The following LRMDA variants were observed in gnomAD, a reference collection of about 807,000 sequenced individuals.
LRMDA encodes the protein leucine-rich melanocyte differentiation-associated protein.
LRMDA carries 18 observed loss-of-function variants against 29.8 expected under a neutral mutation model. That is an observed-to-expected ratio of 0.60 (90% CI 0.42 to 0.90). The LOEUF (loss-of-function observed/expected upper bound fraction) is 0.90, where lower values mean the gene tolerates loss of function less well. Among genes scored for constraint, LRMDA ranks in the 40% least tolerant of loss-of-function variants. The probability of loss-of-function intolerance (pLI) is 0.00; values close to 1 mark genes in which losing one functional copy is unlikely to be tolerated. For missense variants in LRMDA, 273 were observed against 273.9 expected (o/e 1.00, Z 0.02); for synonymous variants, 125 against 109.4 (o/e 1.14, Z -0.89).
chr10:75,743,696 A>AGGAAAAGGAAATG (rs1842857704), intron 2 of LRMDA: 1 of 152,166 alleles, frequency 6.6e-6, no homozygotes, highest in African/African-American at 2.4e-5. Context: ...GATGAGGCAA[A>AGGAAAAGGAAATG]CGTTTAGAGA....
At chr10:76,218,224 C>A (rs889846503) in intron 5 of LRMDA, among the ~76,000 whole-genome samples, 5 of 152,310 alleles carry the variant, frequency 3.3e-5, no homozygotes, top group Admixed American at 2.6e-4. Context: ...TCCTTTTACA[C>A]AGTGCTTGTA....
chr10:75,462,665 G>GAA (rs1844601348), intron 2 of LRMDA, among the ~76,000 whole-genome samples: 1 of 152,192 alleles, frequency 6.6e-6, no homozygotes, highest in South Asian at 2.1e-4. Context: ...TGAGTAACAG[G>GAA]ATGAGGTTAT....
At chr10:75,690,166 G>T (rs61217150) in intron 2 of LRMDA, among the ~76,000 whole-genome samples, 2,173 of 152,288 alleles carry the variant, frequency 0.014, 65 homozygotes, top group African/African-American at 0.05. Context: ...TTGGGAAACA[G>T]TGGCATGATC....
intron 6 of LRMDA, among the ~76,000 whole-genome samples, chr10:76,463,434 G>T (rs1842532596): frequency 6.6e-6 from 1 of 152,206 alleles, no homozygotes; most frequent in African/African-American, 2.4e-5. Context: ...ATCTTGTGGG[G>T]CACTGGCTGC....
intron 2 of LRMDA, among the ~76,000 whole-genome samples, chr10:75,902,370 C>G (rs540695739): frequency 1.3e-5 from 2 of 152,222 alleles, no homozygotes; most frequent in East Asian, 3.9e-4. Flanking sequence ...TTCCCTGGAC[C>G]TCTTTATCCC....
At chr10:76,412,604 A>G (rs995673438) in intron 6 of LRMDA, among the ~76,000 whole-genome samples, 2 of 152,202 alleles carry the variant, frequency 1.3e-5, no homozygotes, top group East Asian at 3.9e-4. Context: ...GTCCTTACAT[A>G]CAAAGCAGTA....
intron 2 of LRMDA, among the ~76,000 whole-genome samples, chr10:75,869,773 G>A (rs1845078623): frequency 6.6e-6 from 1 of 152,094 alleles, no homozygotes; most frequent in African/African-American, 2.4e-5. Flanking sequence ...CATCTCAGGG[G>A]AAGCCATCTG....
intron 6 of LRMDA, among the ~76,000 whole-genome samples, chr10:76,436,802 A>C (rs550807351): frequency 6.6e-5 from 10 of 152,338 alleles, no homozygotes; most frequent in African/African-American, 2.4e-4. Flanking sequence ...AGGTCAGAGC[A>C]GGCTGTGTTC....
chr10:76,046,947 C>A (rs534940633), intron 3 of LRMDA, among the ~76,000 whole-genome samples: 1 of 152,326 alleles, frequency 6.6e-6, no homozygotes, highest in South Asian at 2.1e-4. Flanking sequence ...CTCAGATGAT[C>A]TGGACTTAGT....
At chr10:76,185,046 A>G (rs945201855) in intron 5 of LRMDA, among the ~76,000 whole-genome samples, 1 of 152,218 alleles carries the variant, frequency 6.6e-6, no homozygotes, top group African/African-American at 2.4e-5. Context: ...AAGATAATGG[A>G]TTAAATGGCC....
chr10:75,781,596 T>C (rs1843384428), intron 2 of LRMDA, among the ~76,000 whole-genome samples: 1 of 152,212 alleles, frequency 6.6e-6, no homozygotes, highest in Admixed American at 6.5e-5. Flanking sequence ...GTTCTCATTG[T>C]AACACAGTGA....
chr10:75,653,156 C>T (rs186054358), intron 2 of LRMDA, among the ~76,000 whole-genome samples: 344 of 152,294 alleles, frequency 2.3e-3, no homozygotes, highest in Middle Eastern at 6.8e-3. Context: ...TTGGGTTTTT[C>T]TTCTTTCATT....
chr10:75,591,883 G>C (rs114602088), intron 2 of LRMDA, among the ~76,000 whole-genome samples: 81 of 152,162 alleles, frequency 5.3e-4, no homozygotes, highest in African/African-American at 1.9e-3. Flanking sequence ...GGTGAAAAAC[G>C]TATCAGTCAA....
At chr10:76,101,080 A>T (rs951806530) in intron 5 of LRMDA, among the ~76,000 whole-genome samples, 1 of 152,244 alleles carries the variant, frequency 6.6e-6, no homozygotes, top group African/African-American at 2.4e-5. Context: ...TTTACAAATT[A>T]TCCAGCTCTT....
intron 3 of LRMDA, among the ~76,000 whole-genome samples, chr10:76,044,542 C>T (rs555471662): frequency 1.3e-5 from 2 of 149,664 alleles, no homozygotes; most frequent in South Asian, 2.2e-4. Context: ...TGTTCACTGT[C>T]ATTTTAATTG....
intron 6 of LRMDA, among the ~76,000 whole-genome samples, chr10:76,411,197 G>A (rs546238312): frequency 4.9e-4 from 74 of 152,282 alleles, no homozygotes; most frequent in Non-Finnish European, 1.0e-3. Flanking sequence ...CAACTTGTCA[G>A]CGTCACTTGC....
intron 2 of LRMDA, among the ~76,000 whole-genome samples, chr10:75,935,321 C>G (rs969203546): frequency 1.3e-5 from 2 of 152,144 alleles, no homozygotes; most frequent in Non-Finnish European, 2.9e-5. Context: ...GAAGACCTGG[C>G]TGAATAAGTG....
chr10:76,069,916 C>G (rs541090723), intron 5 of LRMDA, among the ~76,000 whole-genome samples: 23 of 152,250 alleles, frequency 1.5e-4, no homozygotes, highest in African/African-American at 5.5e-4. Flanking sequence ...GGAAAACCTG[C>G]AATTCTTAAT....
At chr10:76,469,712 G>C (rs1842598974) in intron 6 of LRMDA, among the ~76,000 whole-genome samples, 1 of 152,024 alleles carries the variant, frequency 6.6e-6, no homozygotes, top group African/African-American at 2.4e-5. Flanking sequence ...CTCCATGAGA[G>C]CAAAAACTTA....
Sources: allele counts gnomAD v4.1 joint callset (sites outside exome capture counted in the v4.1 genomes callset), GRCh38; gene constraint gnomAD v4.1.1; transcripts MANE v1.5; gene names NCBI Gene and HGNC (gene_info 2026-07-23, HGNC 2026-07-21).